MACF1: variants seen among roughly 807,000 people sequenced by gnomAD.
MACF1 encodes microtubule actin crosslinking factor 1.
Under a neutral mutation model 854.8 loss-of-function variants are expected in MACF1, and 193 were observed. That is an observed-to-expected ratio of 0.23 (90% CI 0.20 to 0.25). The LOEUF is 0.25. Among genes scored for constraint, MACF1 ranks in the 10% least tolerant of loss-of-function variants. The pLI is 1.00. For missense variants in MACF1, 7,722 were observed against 8,929.1 expected, an observed-to-expected ratio of 0.86 and a Z score of 5.45; for synonymous variants, 3,185 against 3,226.7, an observed-to-expected ratio of 0.99 and a Z score of 0.44.
Position 39,357,650 on chromosome 1 carries a change from G to A in MACF1, c.11700G>A (p.Leu3900=). 6.2e-7 allele frequency: 1 copy of A among 1,614,144 alleles called. No homozygotes were observed. The highest frequency in any genetic ancestry group is 8.5e-7 in the Non-Finnish European group (1 of 1,180,032). The change falls in exon 45 of 101, where the codon CTG becomes CTA. Residue 3900 remains leucine, a synonymous_variant. Coordinates refer to ENST00000564288, the MANE Select transcript of MACF1 (RefSeq NM_001394062.1). The stretch of plus-strand genomic sequence containing the variant: ...GGTTGGAACGATCCGAGAAAGAGCT[G>A]GAGAACATGCATAAGGGAGGCAGCA... The part of the protein sequence containing the change: ...ESWLERSEKE[L]ENMHKGGSSP...
chr1:39,450,927 CT>C, intron 84 of MACF1, 124 bp from the exon 85 acceptor site: 1 of 1,120,516 alleles, frequency 8.9e-7, no homozygotes, highest in Non-Finnish European at 1.3e-6. Context: ...GTATTTCTAA[CT>C]GTTCTAACAT....
intron 4 of MACF1, among the ~76,000 whole-genome samples, chr1:39,252,837 G>A (rs1645056455): frequency 6.6e-6 from 1 of 152,188 alleles, no homozygotes; most frequent in Non-Finnish European, 1.5e-5. Context: ...ACATCTCTGT[G>A]AACAGATTCT....
intron 22 of MACF1, among the ~76,000 whole-genome samples, chr1:39,301,951 C>G (rs1646053409): frequency 1.3e-5 from 2 of 151,374 alleles, no homozygotes; most frequent in Non-Finnish European, 2.9e-5. Context: ...TGTGGAAATA[C>G]AGACTATGCT....
At chr1:39,162,427 T>C (rs1270024818) in intron 2 of MACF1, among the ~76,000 whole-genome samples, 1 of 152,236 alleles carries the variant, frequency 6.6e-6, no homozygotes, top group Non-Finnish European at 1.5e-5. Context: ...AATCCCATTA[T>C]TTTTTTCTCT....
intron 2 of MACF1, among the ~76,000 whole-genome samples, chr1:39,126,110 AG>A (rs1642854590): frequency 6.6e-6 from 1 of 152,214 alleles, no homozygotes; most frequent in African/African-American, 2.4e-5. Context: ...ACAATAACGA[AG>A]TACCACAAAC....
chr1:39,272,142 C>A (rs1028917760), intron 6 of MACF1, among the ~76,000 whole-genome samples: 3 of 152,208 alleles, frequency 2.0e-5, no homozygotes, highest in Non-Finnish European at 2.9e-5. Flanking sequence ...TTGTGTCCAT[C>A]ATGTGATACA....
chr1:39,311,934 C>T (rs1416480835), intron 26 of MACF1, among the ~76,000 whole-genome samples: 2 of 152,088 alleles, frequency 1.3e-5, no homozygotes, highest in Non-Finnish European at 2.9e-5. Flanking sequence ...CCCCCCAAAC[C>T]TGAAGAGAAG....
intron 49 of MACF1, among the ~76,000 whole-genome samples, chr1:39,367,169 A>G (rs959055701): frequency 6.6e-6 from 1 of 150,720 alleles, no homozygotes; most frequent in Non-Finnish European, 1.5e-5. Flanking sequence ...CTGATCATGA[A>G]CTCCTGACCT....
In MACF1 at chr1:39,331,334, T is replaced by C; in HGVS notation, c.4746T>C (p.Ser1582=). The part of the protein sequence containing the change: ...LVLLESQVIM[S]GLIAPETGEN... ...TTCTGGAATCTCAGGTTATCATGTC[T>C]GGCCTCATTGCCCCTGAGACGGGTG... Residue 1582 remains serine (S), a synonymous_variant, in exon 37 of 101, where the codon TCT becomes TCC. Coordinates refer to ENST00000564288, the MANE Select transcript of MACF1 (RefSeq NM_001394062.1). 1.2e-6 allele frequency: 2 copies of C among 1,614,098 alleles called. No individual in the cohort carries two copies. Among genetic ancestry groups the C allele is most frequent in the South Asian group, 1.1e-5 (1 of 91,076 alleles).
In MACF1 at chr1:39,138,072, C is replaced by CAAA. The variant is rs1213606775; in HGVS notation, c.220+53655_220+53657dup. ...CTGGGTAACAGTCGAGACTCCATCTCAAAAAAAAAAAAAAAAAAAAAAAGT... is the reference window on the plus strand; with the variant it reads ...CTGGGTAACAGTCGAGACTCCATCTCAAAAAAAAAAAAAAAAAAAAAAAAAAGT... On this transcript the variant is annotated intron_variant, in intron 2 of 93. Coordinates refer to the MACF1 transcript ENST00000361689. Among the ~76,000 whole-genome samples, 162 of 50,198 alleles carry CAAA rather than the reference C, an allele frequency of 3.2e-3. 1 individual carries two copies. Among genetic ancestry groups the CAAA allele is most frequent in the Middle Eastern group, 0.01 (1 of 98 alleles). The allele number at this position is 50,198 out of a possible 152,430, so 32.9% of individuals were successfully genotyped here. A position where few individuals can be genotyped will look rare whatever the true frequency, so the allele number is the denominator to read the frequency against.
At chr1:39,366,226 C>T (rs1039422546) in intron 49 of MACF1, among the ~76,000 whole-genome samples, 2 of 152,292 alleles carry the variant, frequency 1.3e-5, no homozygotes, top group Admixed American at 6.5e-5. Context: ...TATTCATTCA[C>T]GCAAACACAT....
intron 7 of MACF1, among the ~76,000 whole-genome samples, chr1:39,282,748 T>G (rs915048964): frequency 2.0e-5 from 3 of 151,572 alleles, no homozygotes; most frequent in African/African-American, 7.3e-5. Flanking sequence ...AGGGAGTGAG[T>G]CATCCAGGCT....
intron 66 of MACF1, 79 bp downstream of exon 66, chr1:39,430,987 A>G (rs1204997143): frequency 8.0e-7 from 1 of 1,257,858 alleles, no homozygotes; most frequent in African/African-American, 1.5e-5. Context: ...CCACATAAAT[A>G]CAGACTCAGA....
intron 2 of MACF1, among the ~76,000 whole-genome samples, chr1:39,136,874 C>A (rs762313428): frequency 6.6e-6 from 1 of 152,022 alleles, no homozygotes; most frequent in African/African-American, 2.4e-5. Context: ...TAAAGACAAG[C>A]GTGAGAGTGT....
intron 84 of MACF1, 42 bp downstream of exon 84, chr1:39,448,805 A>G: frequency 1.4e-6 from 2 of 1,473,500 alleles, no homozygotes; most frequent in Non-Finnish European, 1.8e-6. Context: ...CCGGGATCCC[A>G]AAAGCAAGAG....
chr1:39,340,481 A>G, intron 38 of MACF1, 21 bp from the exon 39 acceptor site: 3 of 1,576,816 alleles, frequency 1.9e-6, no homozygotes, highest in Non-Finnish European at 2.6e-6. Context: ...TTTTATAGGT[A>G]ACTCCACTTT....
In MACF1 at chr1:39,205,011, A is replaced by G; in HGVS notation, c.-12A>G. 1 of 702,966 alleles carries G rather than the reference A, an allele frequency of 1.4e-6. No individual in the cohort carries two copies. The highest frequency in any genetic ancestry group is 2.0e-5 in the Admixed American group (1 of 50,008). 43.5% of individuals were successfully genotyped at this position (702,966 alleles called of 1,614,324 possible). ...TGGCTAACTCAAGGGAGGAGAAAGG[A>G]CGGGCCTGGAAATGCCCCTCTTAGA... On this transcript the variant is annotated 5_prime_UTR_variant, in exon 1 of 101. Coordinates refer to ENST00000564288, the MANE Select transcript of MACF1 (RefSeq NM_001394062.1).
chr1:39,181,154 C>T (rs1283440959), intron 2 of MACF1, among the ~76,000 whole-genome samples: 3 of 152,238 alleles, frequency 2.0e-5, no homozygotes, highest in East Asian at 1.9e-4. Flanking sequence ...GCGGTACACC[C>T]GCCTTGGCCT....
At chr1:39,403,194 G>A (rs1488384437) in intron 58 of MACF1, among the ~76,000 whole-genome samples, 1 of 152,110 alleles carries the variant, frequency 6.6e-6, no homozygotes, top group Non-Finnish European at 1.5e-5. Context: ...CACCTCCCAA[G>A]TTCAAGTGGT....
Sources: allele counts gnomAD v4.1 joint callset (sites outside exome capture counted in the v4.1 genomes callset), GRCh38; gene constraint gnomAD v4.1.1; transcripts MANE v1.5; gene names NCBI Gene and HGNC (gene_info 2026-07-23, HGNC 2026-07-21).